The following RNF24 variants were observed in gnomAD, a reference collection of about 807,000 sequenced individuals.
RNF24 encodes ring finger protein 24.
In RNF24, 14 loss-of-function variants were observed where a neutral mutation model predicts 20.0. The observed-to-expected ratio is 0.70, with a 90% CI of 0.46 to 1.10. The LOEUF (loss-of-function observed/expected upper bound fraction) is 1.10. Ranked by LOEUF, RNF24 falls within the 50% of genes least tolerant of loss-of-function variation. RNF24 has a pLI of 0.00. For missense variants in RNF24, 124 were observed against 177.6 expected, an observed-to-expected ratio of 0.70 and a Z score of 1.71; for synonymous variants, 45 against 61.1, an observed-to-expected ratio of 0.74 and a Z score of 1.23.
intron 1 of RNF24, among the ~76,000 whole-genome samples, chr20:3,969,367 C>T (rs186714507): frequency 6.4e-4 from 97 of 152,196 alleles, no homozygotes; most frequent in African/African-American, 2.0e-3. Flanking sequence ...TTAAGTTGGA[C>T]AGAAGGTAGC....
chr20:3,985,797 T>C (rs1979844188), intron 1 of RNF24, among the ~76,000 whole-genome samples: 1 of 151,098 alleles, frequency 6.6e-6, no homozygotes, highest in Non-Finnish European at 1.5e-5. Context: ...CTCAGCCTCC[T>C]GGGTTCAAGC....
chr20:4,004,208 A>G (rs1981657551), intron 1 of RNF24, among the ~76,000 whole-genome samples: 1 of 152,112 alleles, frequency 6.6e-6, no homozygotes, highest in African/African-American at 2.4e-5. Flanking sequence ...CATCCTTCAT[A>G]ATGTACCTCA....
At chr20:4,004,790 A>C (rs6515839) in intron 1 of RNF24, among the ~76,000 whole-genome samples, 133,850 of 152,214 alleles carry the variant, frequency 0.88, 59,235 homozygotes, top group Non-Finnish European at 0.93. Context: ...TCTGTTGTTT[A>C]AAGCCACGAA....
rs1027224600 is a variant in RNF24, at chr20:3,927,706, C to T, written c.*6357G>A. On this transcript the variant is annotated 3_prime_UTR_variant, in exon 6 of 6. Transcript: ENST00000358395. ...GTTCCTAACACTTGCCACACCTGCT[C>T]CCCCGACCGGGGGCCTGGGAGGGAA... is the stretch of plus-strand genomic sequence containing the variant. The T allele has an allele frequency of 1.3e-5, 2 of 152,224 alleles. No homozygotes were observed. Among genetic ancestry groups the T allele is most frequent in the African/African-American group, 4.8e-5 (2 of 41,438 alleles). The allele number at this position is 152,224 out of a possible 1,614,324, so 9.4% of individuals were successfully genotyped here.
At chr20:3,946,486 T>A (rs2091018569) in intron 3 of RNF24, among the ~76,000 whole-genome samples, 2 of 151,446 alleles carry the variant, frequency 1.3e-5, no homozygotes, top group African/African-American at 4.9e-5. Context: ...AAACAGATTA[T>A]GATAGGAGTC....
chr20:3,992,927 T>C (rs758873500), intron 1 of RNF24, among the ~76,000 whole-genome samples: 3 of 152,232 alleles, frequency 2.0e-5, no homozygotes, highest in Non-Finnish European at 2.9e-5. Context: ...AATGGATTGT[T>C]AATAATAAAA....
chr20:3,951,864 C>A (rs1351666610), intron 2 of RNF24, among the ~76,000 whole-genome samples: 1 of 152,102 alleles, frequency 6.6e-6, no homozygotes, highest in East Asian at 1.9e-4. Flanking sequence ...CATGCATTTC[C>A]GTATTTACTG....
chr20:3,977,843 G>A (rs1383329223), intron 1 of RNF24, among the ~76,000 whole-genome samples: 18 of 137,750 alleles, frequency 1.3e-4, no homozygotes, highest in Admixed American at 1.2e-3. Flanking sequence ...CAGCCTGGGC[G>A]ACACAGCGAG....
intron 1 of RNF24, among the ~76,000 whole-genome samples, chr20:3,969,506 CAAA>C (rs113442389): frequency 1.1e-5 from 1 of 89,130 alleles, no homozygotes; most frequent in Admixed American, 1.2e-4. Flanking sequence ...CAGGTGAAGA[CAAA>C]AAAAAAAAAA....
intron 2 of RNF24, among the ~76,000 whole-genome samples, chr20:3,954,009 G>A (rs2091113313): frequency 6.6e-6 from 1 of 152,126 alleles, no homozygotes; most frequent in East Asian, 1.9e-4. Flanking sequence ...CCCTGCCTCA[G>A]ACTCCCAAAG....
At chr20:3,945,679 C>A (rs2091007776) in intron 3 of RNF24, among the ~76,000 whole-genome samples, 1 of 147,978 alleles carries the variant, frequency 6.8e-6, no homozygotes, top group Non-Finnish European at 1.5e-5. Flanking sequence ...CGTGCCATTG[C>A]ACTCTAGCCT....
chr20:3,963,892 G>A lies in RNF24; in HGVS notation c.126C>T (p.Phe42=). Residue 42 remains phenylalanine, a synonymous_variant, in exon 2 of 6, where the codon TTC becomes TTT. Transcript: ENST00000358395. Reference sequence around the variant, plus strand: ...TTGGTTACCTAATCAAGTAGCAACAGAAGAGTAAACTAAGGATGAAGACAA... The same window carrying A: ...TTGGTTACCTAATCAAGTAGCAACAAAAGAGTAAACTAAGGATGAAGACAA... ...AIFVFILSLL[F]CCYLIRLRHQ... 6.3e-7 allele frequency: 1 copy of A among 1,590,230 alleles called. No homozygotes were observed. The highest frequency in any genetic ancestry group is 8.6e-7 in the Non-Finnish European group (1 of 1,167,828).
At chr20:3,970,242 C>T (rs1239315878) in intron 1 of RNF24, among the ~76,000 whole-genome samples, 1 of 152,066 alleles carries the variant, frequency 6.6e-6, no homozygotes. Context: ...ATTCCTGCCC[C>T]GTCCCCGCCC....
At chr20:3,985,035 CG>C (rs1164648217) in intron 1 of RNF24, among the ~76,000 whole-genome samples, 21 of 148,820 alleles carry the variant, frequency 1.4e-4, no homozygotes, top group Admixed American at 1.4e-3. Flanking sequence ...GGCAGTTGGG[CG>C]GGGGAACAAC....
intron 1 of RNF24, among the ~76,000 whole-genome samples, chr20:3,986,706 G>C (rs113006966): frequency 0.12 from 17,557 of 148,822 alleles, 1,370 homozygotes; most frequent in Non-Finnish European, 0.17. Context: ...AGAGTGCAGT[G>C]GCACAATCTA....
At chr20:3,999,454 T>C (rs958712269) in intron 1 of RNF24, among the ~76,000 whole-genome samples, 1 of 152,186 alleles carries the variant, frequency 6.6e-6, no homozygotes, top group East Asian at 1.9e-4. Flanking sequence ...GTCAATTTTC[T>C]TTGTTTAAAA....
rs1600689685 is a variant in RNF24, at chr20:3,983,064, A to G, written c.-7-19040T>C. Among the ~76,000 whole-genome samples the G allele has an allele frequency of 2.0e-5, 3 of 152,288 alleles. No homozygotes were observed. In the South Asian group the frequency reaches 6.2e-4, roughly 32 times the overall value. On this transcript the variant is annotated intron_variant, in intron 1 of 5. Coordinates refer to ENST00000358395, the MANE Select transcript of RNF24 (RefSeq NM_001134337.3). ...CTTCTGCAATGTGATGCCCTCCACC[A>G]TGTTATGATGCAGCAGGTACCTTGC... is the stretch of plus-strand genomic sequence containing the variant.
chr20:3,948,113 C>T, intron 3 of RNF24, 124 bp downstream of exon 3: 1 of 668,028 alleles, frequency 1.5e-6, no homozygotes, highest in South Asian at 1.7e-5. Context: ...TGCAAATTGG[C>T]AGTGAGATGC....
intron 1 of RNF24, among the ~76,000 whole-genome samples, chr20:4,000,187 T>TA (rs1309336542): frequency 6.6e-6 from 1 of 152,114 alleles, no homozygotes; most frequent in Non-Finnish European, 1.5e-5. Context: ...ATAAAGCTGT[T>TA]AAAAAAAGGC....
Sources: gnomAD v4.1 joint callset for allele counts (sites outside exome capture counted in the v4.1 genomes callset) on GRCh38, gnomAD v4.1.1 for gene constraint, MANE v1.5 for transcripts, NCBI Gene and HGNC (gene_info 2026-07-23, HGNC 2026-07-21) for gene names.